Variants in KLF7 observed in about 807,000 individuals in gnomAD.
The protein encoded by KLF7 is KLF transcription factor 7, also known as Krueppel-like factor 7.
KLF7 carries 2 observed loss-of-function variants against 27.3 expected under a neutral mutation model. The ratio of observed to expected loss-of-function variants is 0.07; its 90% CI spans 0.03 to 0.23. The LOEUF (loss-of-function observed/expected upper bound fraction) is 0.23. KLF7 is among the 10% of genes least tolerant of loss of function. The pLI, the probability that KLF7 is intolerant of heterozygous loss-of-function variation, is 1.00. For synonymous variants in KLF7, 165 were observed against 162.4 expected (o/e 1.02, Z -0.12); for missense variants, 221 against 394.1 (o/e 0.56, Z 3.72).
intron 1 of KLF7, among the ~76,000 whole-genome samples, chr2:207,150,450 G>A (rs2078210857): frequency 6.6e-6 from 1 of 152,114 alleles, no homozygotes; most frequent in South Asian, 2.1e-4. Context: ...AAATCATAAA[G>A]AGGAAGAAAG....
At chr2:207,081,385 AG>A (rs2076268453) in intron 3 of KLF7, 121 bp from the exon 4 acceptor site, 1 of 881,376 alleles carries the variant, frequency 1.1e-6, no homozygotes, top group Non-Finnish European at 1.9e-6. Flanking sequence ...ATTGAGAAAC[AG>A]GGCCATGTGT....
At chr2:207,137,339 G>A (rs967063665) in intron 1 of KLF7, among the ~76,000 whole-genome samples, 2 of 152,140 alleles carry the variant, frequency 1.3e-5, no homozygotes, top group African/African-American at 2.4e-5. Context: ...AGCAGTTGGC[G>A]AGGACTCGTG....
chr2:207,134,230 T>C (rs2077721108), intron 1 of KLF7: 3 of 995,842 alleles, frequency 3.0e-6, no homozygotes, highest in South Asian at 3.6e-5. Context: ...TCCTTCTCAG[T>C]TGGGTTAATT....
intron 2 of KLF7, 53 bp downstream of exon 2, chr2:207,123,721 G>A (rs561488051): frequency 5.5e-5 from 86 of 1,550,764 alleles, no homozygotes; most frequent in Non-Finnish European, 7.2e-5. Flanking sequence ...CCCACATGAC[G>A]AGGCTACAGG....
upstream of KLF7, chr2:207,166,158 T>G (rs1031162836): frequency 3.0e-6 from 3 of 985,178 alleles, no homozygotes; most frequent in Non-Finnish European, 3.6e-6. Flanking sequence ...CCGTGGGATC[T>G]CGAGGAGGGC....
intron 2 of KLF7, among the ~76,000 whole-genome samples, chr2:207,112,934 G>C (rs954865564): frequency 1.3e-5 from 2 of 152,202 alleles, no homozygotes; most frequent in Non-Finnish European, 1.5e-5. Context: ...CCAGTGAAAA[G>C]CACCAGGGCA....
chr2:207,101,064 C>T (rs917515401), intron 2 of KLF7, among the ~76,000 whole-genome samples: 2 of 152,220 alleles, frequency 1.3e-5, no homozygotes, highest in East Asian at 3.8e-4. Context: ...CTTCCAGATT[C>T]ATAAACCCTA....
intron 1 of KLF7, among the ~76,000 whole-genome samples, chr2:207,161,382 T>C (rs2078541529): frequency 6.6e-6 from 1 of 152,152 alleles, no homozygotes; most frequent in African/African-American, 2.4e-5. Context: ...ATCCTTTCAG[T>C]GTGGCTAGCA....
intron 2 of KLF7, among the ~76,000 whole-genome samples, chr2:207,112,759 AACTTCT>A (rs1334515244): frequency 6.6e-6 from 1 of 152,240 alleles, no homozygotes; most frequent in Non-Finnish European, 1.5e-5. Context: ...ATGAAACGGA[AACTTCT>A]ACTTCAACAA....
intron 2 of KLF7, 123 bp from the exon 3 acceptor site, chr2:207,088,704 A>G (rs2076444794): frequency 9.5e-7 from 1 of 1,057,740 alleles, no homozygotes; most frequent in Non-Finnish European, 1.3e-6. Flanking sequence ...CTGAAAGACT[A>G]GATTTCCTAA....
intron 2 of KLF7, among the ~76,000 whole-genome samples, chr2:207,095,394 T>G (rs1031403507): frequency 6.6e-6 from 1 of 152,186 alleles, no homozygotes; most frequent in African/African-American, 2.4e-5. Flanking sequence ...GGTCCTGGGT[T>G]AGGTTTACTC....
At chr2:207,144,168 G>A (rs55763118) in intron 1 of KLF7, among the ~76,000 whole-genome samples, 23,631 of 64,502 alleles carry the variant, frequency 0.37, 2,296 homozygotes, top group Non-Finnish European at 0.44. Context: ...GCGGGGGGGA[G>A]AAAAAAAAAA....
At chr2:207,168,815 T>C (rs558266277), upstream of KLF7, among the ~76,000 whole-genome samples, 1 of 152,326 alleles carries the variant, frequency 6.6e-6, no homozygotes, top group East Asian at 1.9e-4. Context: ...TTTTATACCC[T>C]AGAGACCCAA....
chr2:207,079,007 T>C lies in KLF7; in HGVS notation c.*2206A>G, dbSNP rs2076222068. 6.6e-6 allele frequency: 1 copy of C among 152,172 alleles called. No homozygotes were observed. The highest frequency in any genetic ancestry group is 6.5e-5 in the Admixed American group (1 of 15,270). 9.4% of individuals were successfully genotyped at this position (152,172 alleles called of 1,614,324 possible). A position where few individuals can be genotyped will look rare whatever the true frequency, so the allele number is the denominator to read the frequency against. ...CCGGCAAATGGACAGATTTTGTGTG[T>C]GTGTGCGCGTGTGTGTTAACGGGTG... is the stretch of plus-strand genomic sequence containing the variant. On this transcript the variant is annotated 3_prime_UTR_variant, in exon 4 of 4. Coordinates refer to ENST00000309446, the MANE Select transcript of KLF7 (RefSeq NM_003709.4).
intron 1 of KLF7, among the ~76,000 whole-genome samples, chr2:207,164,260 CA>C (rs1259451041): frequency 2.0e-5 from 3 of 152,234 alleles, no homozygotes; most frequent in African/African-American, 7.2e-5. Context: ...TTAGCCTTAA[CA>C]AGCTGCTGTC....
intron 2 of KLF7, among the ~76,000 whole-genome samples, chr2:207,119,799 G>A (rs534547432): frequency 2.6e-5 from 4 of 152,234 alleles, no homozygotes; most frequent in South Asian, 2.1e-4. Flanking sequence ...CGCCTCCTGG[G>A]GTCAAGCGAT....
intron 1 of KLF7, among the ~76,000 whole-genome samples, chr2:207,163,415 AG>A (rs2078605922): frequency 1.3e-5 from 2 of 152,192 alleles, no homozygotes; most frequent in South Asian, 4.1e-4. Context: ...GCAGAGGAGC[AG>A]GGGGAGGAGG....
At chr2:207,165,330 TCAA>T (rs2078675837) in intron 1 of KLF7, 134 bp downstream of exon 1, 11 of 1,277,248 alleles carry the variant, frequency 8.6e-6, no homozygotes, top group East Asian at 5.0e-5. Flanking sequence ...GAAAACATTT[TCAA>T]CAACAGACAG....
chr2:207,138,692 T>G (rs185904921), intron 1 of KLF7, among the ~76,000 whole-genome samples: 30 of 152,318 alleles, frequency 2.0e-4, no homozygotes, highest in Non-Finnish European at 2.8e-4. Context: ...AGTGCCCTAC[T>G]TACTAGAATA....
Sources: gnomAD v4.1 joint callset for allele counts (sites outside exome capture counted in the v4.1 genomes callset) on GRCh38, gnomAD v4.1.1 for gene constraint, MANE v1.5 for transcripts, NCBI Gene and HGNC (gene_info 2026-07-23, HGNC 2026-07-21) for gene names.